ACOT7: variants seen among roughly 807,000 people sequenced by gnomAD.
ACOT7 encodes the protein acyl-CoA thioesterase 7.
ACOT7 carries 12 observed loss-of-function variants against 40.2 expected under a neutral mutation model. The ratio of observed to expected loss-of-function variants is 0.30; its 90% CI spans 0.19 to 0.48. The LOEUF is 0.48. Ranked by LOEUF, ACOT7 falls within the 20% of genes least tolerant of loss-of-function variation. The probability of loss-of-function intolerance (pLI) is 0.99; values close to 1 mark genes in which losing one functional copy is unlikely to be tolerated. For missense variants in ACOT7, 395 were observed against 530.8 expected, an observed-to-expected ratio of 0.74 and a Z score of 2.51; for synonymous variants, 228 against 219.5, an observed-to-expected ratio of 1.04 and a Z score of -0.34.
intron 1 of ACOT7, among the ~76,000 whole-genome samples, chr1:6,371,490 G>A (rs928958928): frequency 2.0e-5 from 3 of 151,770 alleles, no homozygotes; most frequent in Admixed American, 6.6e-5. Context: ...AGCCTCCTGA[G>A]TAGCTGGGAC....
intron 3 of ACOT7, among the ~76,000 whole-genome samples, chr1:6,334,914 G>C (rs1158754306): frequency 6.6e-6 from 1 of 152,192 alleles, no homozygotes; most frequent in Admixed American, 6.5e-5. Flanking sequence ...TGTCAGGCAC[G>C]GTGGCTCACA....
At chr1:6,343,727 T>G (rs1641340650) in intron 2 of ACOT7, among the ~76,000 whole-genome samples, 1 of 152,268 alleles carries the variant, frequency 6.6e-6, no homozygotes, top group Non-Finnish European at 1.5e-5. Context: ...CTGCAAGACC[T>G]AAAAGTGGAA....
intron 1 of ACOT7, among the ~76,000 whole-genome samples, chr1:6,390,684 C>G (rs978089776): frequency 6.9e-6 from 1 of 145,574 alleles, no homozygotes; most frequent in Non-Finnish European, 1.5e-5. Flanking sequence ...GCCTGTAATC[C>G]CAGCACTTTG....
At chr1:6,272,663 C>T (rs1357368880) in intron 8 of ACOT7, among the ~76,000 whole-genome samples, 4 of 152,204 alleles carry the variant, frequency 2.6e-5, no homozygotes, top group African/African-American at 9.6e-5. Flanking sequence ...GGACACTCCA[C>T]ACCCCTTGCT....
intron 1 of ACOT7, among the ~76,000 whole-genome samples, chr1:6,367,586 C>A (rs1421793988): frequency 6.6e-6 from 1 of 152,222 alleles, no homozygotes; most frequent in Non-Finnish European, 1.5e-5. Context: ...CAAGGCTGCA[C>A]CTGGACCAAG....
At chr1:6,343,226 G>A (rs989523393) in intron 2 of ACOT7, among the ~76,000 whole-genome samples, 14 of 152,324 alleles carry the variant, frequency 9.2e-5, no homozygotes, top group South Asian at 6.2e-4. Context: ...GTGCGTCTGT[G>A]CTCTCCCACC....
chr1:6,281,548 C>G (rs984011747), intron 7 of ACOT7, among the ~76,000 whole-genome samples: 1 of 152,272 alleles, frequency 6.6e-6, no homozygotes, highest in African/African-American at 2.4e-5. Flanking sequence ...CCCGCCCAGG[C>G]GGGCTCTCTC....
Position 6,318,483 on chromosome 1 carries a change from C to T in ACOT7, c.712+9G>A, listed in dbSNP as rs1571303100. On this transcript the variant is annotated intron_variant, in intron 6 of 8. Coordinates refer to ENST00000361521, the MANE Select transcript of ACOT7 (RefSeq NM_007274.4). ...CAGGAATGGAGTGGCCAGGGCGCTT[C>T]CTTCTTACCTCCGTGCACAAAGCCG... 1 of 1,613,450 alleles carries T rather than the reference C, an allele frequency of 6.2e-7. No individual in the cohort carries two copies.
At chr1:6,295,323 C>T (rs917002751) in intron 6 of ACOT7, 17 of 184,402 alleles carry the variant, frequency 9.2e-5, no homozygotes, top group South Asian at 3.8e-4. Flanking sequence ...CACGTGCTGG[C>T]GAGGATGTGG....
intron 8 of ACOT7, among the ~76,000 whole-genome samples, chr1:6,280,866 G>A (rs996568864): frequency 6.6e-6 from 1 of 152,174 alleles, no homozygotes; most frequent in African/African-American, 2.4e-5. Context: ...ACGGGCCCTG[G>A]GAGTACAGCC....
intron 5 of ACOT7, 42 bp downstream of exon 5, chr1:6,327,257 C>G (rs1224830223): frequency 6.3e-6 from 10 of 1,597,472 alleles, no homozygotes; most frequent in South Asian, 1.1e-5. Flanking sequence ...TATGCGTCCC[C>G]GGTGAGGAGT....
intron 6 of ACOT7, among the ~76,000 whole-genome samples, chr1:6,307,317 G>A (rs546552702): frequency 2.4e-4 from 36 of 152,364 alleles, no homozygotes; most frequent in African/African-American, 6.3e-4. Context: ...AGCACAGTCC[G>A]CAGTCCTTCC....
chr1:6,264,527 A>G lies in ACOT7; in HGVS notation c.*70T>C, dbSNP rs542593317. Reference sequence around the variant, plus strand: ...AATTGGGTTTTTGGCCAAGGGGGGAACTTCTAAGTGACTGGACACTGGGCC... The same window carrying G: ...AATTGGGTTTTTGGCCAAGGGGGGAGCTTCTAAGTGACTGGACACTGGGCC... On this transcript the variant is annotated 3_prime_UTR_variant, in exon 9 of 9. Transcript: ENST00000361521. 1.2e-5 allele frequency: 18 copies of G among 1,457,690 alleles called. No homozygotes were observed. The highest frequency in any genetic ancestry group is 4.2e-5 in the African/African-American group (3 of 70,884). The allele number at this position is 1,457,690 out of a possible 1,614,324, so 90.3% of individuals were successfully genotyped here.
At chr1:6,305,972 C>T (rs1485071146) in intron 6 of ACOT7, among the ~76,000 whole-genome samples, 3 of 151,750 alleles carry the variant, frequency 2.0e-5, no homozygotes, top group Admixed American at 6.6e-5. Context: ...GGATCACTCG[C>T]GGTTAGGAGC....
At chr1:6,350,620 C>G (rs1204199356) in intron 1 of ACOT7, among the ~76,000 whole-genome samples, 1 of 152,256 alleles carries the variant, frequency 6.6e-6, no homozygotes, top group Non-Finnish European at 1.5e-5. Flanking sequence ...CCTTCCCAGA[C>G]AGCACCCAGC....
chr1:6,264,521 G>A lies in ACOT7; in HGVS notation c.*76C>T, dbSNP rs1638755742. On this transcript the variant is annotated 3_prime_UTR_variant, in exon 9 of 9. Transcript: ENST00000361521. ...AATGTGAATTGGGTTTTTGGCCAAG[G>A]GGGGAACTTCTAAGTGACTGGACAC... The A allele has an allele frequency of 7.0e-7, 1 of 1,426,562 alleles. No homozygotes were observed. The highest frequency in any genetic ancestry group is 9.5e-7 in the Non-Finnish European group (1 of 1,051,342). 88.4% of individuals were successfully genotyped at this position (1,426,562 alleles called of 1,614,324 possible). A position where few individuals can be genotyped will look rare whatever the true frequency, so the allele number is the denominator to read the frequency against.
chr1:6,341,299 G>A lies in ACOT7; in HGVS notation c.262-1710C>T, dbSNP rs536627665. ...TGGGATTACAGATGTGCACCACCAC[G>A]CCTGGCTAATTTCTGTATTTTTAGT... On this transcript the variant is annotated intron_variant, in intron 2 of 8. Transcript: ENST00000361521. Among the ~76,000 whole-genome samples the A allele has an allele frequency of 2.6e-5, 4 of 151,814 alleles. No homozygotes were observed. In the South Asian group the frequency reaches 6.2e-4, roughly 24 times the overall value.
At chr1:6,266,302 G>A (rs553595505) in intron 8 of ACOT7, among the ~76,000 whole-genome samples, 11 of 152,366 alleles carry the variant, frequency 7.2e-5, no homozygotes, top group African/African-American at 2.6e-4. Flanking sequence ...TCCTGGGCTT[G>A]GAGGGCACAG....
At chr1:6,382,302 G>A (rs1029974595) in intron 1 of ACOT7, among the ~76,000 whole-genome samples, 3 of 151,696 alleles carry the variant, frequency 2.0e-5, no homozygotes, top group African/African-American at 7.3e-5. Flanking sequence ...TACGCGGGGG[G>A]CTGAGGCAGA....
Sources: gnomAD v4.1 joint callset for allele counts (sites outside exome capture counted in the v4.1 genomes callset) on GRCh38, gnomAD v4.1.1 for gene constraint, MANE v1.5 for transcripts, NCBI Gene and HGNC (gene_info 2026-07-23, HGNC 2026-07-21) for gene names.